The following POU6F2 variants were observed in gnomAD, a reference collection of about 807,000 sequenced individuals.
POU6F2 encodes the protein POU class 6 homeobox 2, also known as POU domain, class 6, transcription factor 2.
Under a neutral mutation model 71.3 loss-of-function variants are expected in POU6F2, and 31 were observed. The ratio of observed to expected loss-of-function variants is 0.43; its 90% CI spans 0.33 to 0.59. The LOEUF (loss-of-function observed/expected upper bound fraction) is 0.59, where lower values mean the gene tolerates loss of function less well. POU6F2 is among the 20% of genes least tolerant of loss of function. POU6F2 has a pLI of 0.04. For synonymous variants in POU6F2, 347 were observed against 355.7 expected (o/e 0.98, Z 0.27); for missense variants, 783 against 856.8 (o/e 0.91, Z 1.07).
intron 4 of POU6F2, among the ~76,000 whole-genome samples, chr7:39,298,456 G>C (rs2128764071): frequency 6.6e-6 from 1 of 152,104 alleles, no homozygotes; most frequent in Middle Eastern, 3.4e-3. Flanking sequence ...AAAACCACAA[G>C]ATACCATCTC....
intron 5 of POU6F2, among the ~76,000 whole-genome samples, chr7:39,371,393 C>A (rs1786607282): frequency 6.6e-6 from 1 of 152,114 alleles, no homozygotes; most frequent in South Asian, 2.1e-4. Flanking sequence ...GTTGGTCAGG[C>A]TGGTCTCGAA....
At chr7:39,278,306 C>T (rs1784496804) in intron 4 of POU6F2, among the ~76,000 whole-genome samples, 1 of 152,068 alleles carries the variant, frequency 6.6e-6, no homozygotes, top group Admixed American at 6.6e-5. Flanking sequence ...AGATCCAGGC[C>T]CAGGAGACAC....
chr7:39,398,726 TGAG>T (rs1156327758), intron 5 of POU6F2, among the ~76,000 whole-genome samples: 2 of 152,186 alleles, frequency 1.3e-5, no homozygotes, highest in African/African-American at 2.4e-5. Context: ...CCAGAGGGAA[TGAG>T]GAGGAGAGAG....
intron 4 of POU6F2, among the ~76,000 whole-genome samples, chr7:39,288,733 T>G (rs149108198): frequency 6.6e-6 from 1 of 152,178 alleles, no homozygotes. Flanking sequence ...AGGTACTTCA[T>G]TGAATCAGAG....
At chr7:38,995,987 A>G (rs1229023) in intron 1 of POU6F2, among the ~76,000 whole-genome samples, 48,354 of 150,412 alleles carry the variant, frequency 0.32, 8,033 homozygotes, top group Non-Finnish European at 0.35. Context: ...CCTTTTGTGC[A>G]AGATATTGCT....
chr7:39,227,505 TG>T (rs2128749408), intron 4 of POU6F2, among the ~76,000 whole-genome samples: 1 of 151,156 alleles, frequency 6.6e-6, no homozygotes, highest in Admixed American at 6.6e-5. Flanking sequence ...GGCCCCTTCA[TG>T]GAGTTCTGAT....
chr7:39,456,301 A>T (rs2237372), intron 8 of POU6F2, among the ~76,000 whole-genome samples: 4 of 151,966 alleles, frequency 2.6e-5, no homozygotes, highest in Non-Finnish European at 5.9e-5. Context: ...GCCAGATTGA[A>T]CTATCCCAGG....
intron 5 of POU6F2, among the ~76,000 whole-genome samples, chr7:39,405,277 T>C (rs1453820206): frequency 1.3e-5 from 2 of 152,106 alleles, no homozygotes; most frequent in African/African-American, 4.8e-5. Flanking sequence ...TAGTATAATC[T>C]CTAGGCAAAT....
Position 39,242,381 on chromosome 7 carries a change from C to CTT in POU6F2, c.598+34772_598+34773dup, listed in dbSNP as rs70977467. ...CTTCATGTTGTCAGTTTTTGTTTTG[C>CTT]TTTTTTTTTTTTCTTTTCTTGTCTT... On this transcript the variant is annotated intron_variant, in intron 4 of 9. Coordinates refer to ENST00000518318, the MANE Select transcript of POU6F2 (RefSeq NM_001370959.1). Among the ~76,000 whole-genome samples the CTT allele has an allele frequency of 9.8e-4, 144 of 147,318 alleles. 1 individual carries two copies. Among genetic ancestry groups the CTT allele is most frequent in the African/African-American group, 3.2e-3 (128 of 40,160 alleles).
In POU6F2 at chr7:39,466,138, G is replaced by A. The variant is rs2052017; in HGVS notation, c.*1452G>A. On this transcript the variant is annotated 3_prime_UTR_variant, in exon 10 of 10. Coordinates refer to ENST00000518318, the MANE Select transcript of POU6F2 (RefSeq NM_001370959.1). ...TATATAAATGGAGCAGAAAGGTGGCGGGCAAATTTAAACAACTGGAATTGG... is the reference window on the plus strand; with the variant it reads ...TATATAAATGGAGCAGAAAGGTGGCAGGCAAATTTAAACAACTGGAATTGG... 137,548 of 152,284 alleles carry A rather than the reference G, an allele frequency of 0.9. 62,184 individuals are homozygous for A. The highest frequency in any genetic ancestry group is 0.94 in the Admixed American group (14,368 of 15,304). The allele number at this position is 152,284 out of a possible 1,614,324, so 9.4% of individuals were successfully genotyped here. A position where few individuals can be genotyped will look rare whatever the true frequency, so the allele number is the denominator to read the frequency against.
chr7:39,106,398 C>T (rs1048437501), intron 2 of POU6F2, among the ~76,000 whole-genome samples: 8 of 152,178 alleles, frequency 5.3e-5, no homozygotes, highest in Non-Finnish European at 8.8e-5. Context: ...TAATCTACAA[C>T]CTAATGCTAT....
rs528982885 is a variant in POU6F2 at position 39,374,076 on chromosome 7, A to G, written c.973-32524A>G. On this transcript the variant is annotated intron_variant, in intron 5 of 9. Transcript: ENST00000518318. ...CAAACACTTGTAATATTTCCTGTAA[A>G]TATTGGGGCAAAGGGAGATGATGAT... Among the ~76,000 whole-genome samples, 68 of 152,326 alleles carry G rather than the reference A, an allele frequency of 4.5e-4. 1 individual carries two copies. The South Asian group carries it at 0.014, about 32-fold the overall frequency.
At position 39,464,446 on chromosome 7, in the gene POU6F2, CT is replaced by C; in HGVS notation, c.1924del (p.Ser642ProfsTer25). 6.2e-7 allele frequency: 1 copy of C among 1,613,984 alleles called. No homozygotes were observed. The highest frequency in any genetic ancestry group is 8.5e-7 in the Non-Finnish European group (1 of 1,179,884). ...EPSKKRKRRT[S>X]FTPQALEILN... is the part of the protein sequence containing the mutation. Reference sequence around the variant, plus strand: ...CATCCAAAAAGCGCAAGCGGCGCACCTCCTTCACACCCCAGGCCCTTGAGAT... The same window carrying C: ...CATCCAAAAAGCGCAAGCGGCGCACCCCTTCACACCCCAGGCCCTTGAGAT... On this transcript the variant is annotated frameshift_variant, in exon 10 of 10. Transcript: ENST00000518318. LOFTEE classifies it high-confidence loss of function. This position sits in a 1 kb window ranked among gnomAD's most constrained non-coding sequence, Gnocchi z 4.1.
chr7:38,989,831 G>T (rs200749459), intron 1 of POU6F2, among the ~76,000 whole-genome samples: 15 of 121,890 alleles, frequency 1.2e-4, no homozygotes, highest in East Asian at 5.2e-4. Flanking sequence ...GTGTGTTTGT[G>T]TGTGTGTGTG....
At chr7:39,232,490 T>C (rs1026423705) in intron 4 of POU6F2, among the ~76,000 whole-genome samples, 1 of 152,194 alleles carries the variant, frequency 6.6e-6, no homozygotes, top group Non-Finnish European at 1.5e-5. Context: ...TCACTCATGG[T>C]CACTAGGTTG....
At chr7:39,391,345 A>T (rs1271750148) in intron 5 of POU6F2, among the ~76,000 whole-genome samples, 1 of 151,966 alleles carries the variant, frequency 6.6e-6, no homozygotes, top group East Asian at 1.9e-4. Context: ...TCACCTCCTA[A>T]ACTTGCTTAT....
intron 1 of POU6F2, among the ~76,000 whole-genome samples, chr7:39,012,924 T>C (rs1285243799): frequency 6.6e-6 from 1 of 152,084 alleles, no homozygotes; most frequent in African/African-American, 2.4e-5. Flanking sequence ...ACTGCTCTCT[T>C]CAAAGCTGTC....
chr7:39,293,459 G>A (rs908926187), intron 4 of POU6F2, among the ~76,000 whole-genome samples: 2 of 152,192 alleles, frequency 1.3e-5, no homozygotes, highest in Non-Finnish European at 2.9e-5. Flanking sequence ...CTTGGGGCCC[G>A]TCGTTACTCC....
At chr7:39,297,096 G>T (rs1321674961) in intron 4 of POU6F2, among the ~76,000 whole-genome samples, 2 of 151,906 alleles carry the variant, frequency 1.3e-5, no homozygotes, top group Non-Finnish European at 2.9e-5. Context: ...AAGAGTTGAT[G>T]ATTAGAGTAA....
Sources: gnomAD v4.1 joint callset for allele counts (sites outside exome capture counted in the v4.1 genomes callset) on GRCh38, gnomAD v4.1.1 for gene constraint, Gnocchi (gnomAD v3.1) non-coding constraint, MANE v1.5 for transcripts, NCBI Gene and HGNC (gene_info 2026-07-23, HGNC 2026-07-21) for gene names.